The following LMX1A variants were observed in gnomAD, a reference collection of about 807,000 sequenced individuals.
LMX1A encodes the protein LIM homeobox transcription factor 1-alpha.
LMX1A carries 15 observed loss-of-function variants against 49.1 expected under a neutral mutation model. The observed-to-expected ratio is 0.31, with a 90% CI of 0.20 to 0.47. The LOEUF is 0.47. Among genes scored for constraint, LMX1A ranks in the 20% least tolerant of loss-of-function variants. The pLI is 1.00. For synonymous variants in LMX1A, 167 were observed against 185.7 expected, an observed-to-expected ratio of 0.90 and a Z score of 0.82; for missense variants, 372 against 475.8, an observed-to-expected ratio of 0.78 and a Z score of 2.03.
intron 3 of LMX1A, among the ~76,000 whole-genome samples, chr1:165,313,675 G>A (rs1557881345): frequency 6.6e-6 from 1 of 151,990 alleles, no homozygotes; most frequent in African/African-American, 2.4e-5. Context: ...GGAGCTGGGG[G>A]AATAAATTCC....
At chr1:165,294,712 C>T (rs1407944019) in intron 3 of LMX1A, among the ~76,000 whole-genome samples, 1 of 152,208 alleles carries the variant, frequency 6.6e-6, no homozygotes, top group Non-Finnish European at 1.5e-5. Context: ...GCCTGTAATC[C>T]CAGCGCTTCG....
At chr1:165,264,840 GA>G (rs1653563963) in intron 3 of LMX1A, among the ~76,000 whole-genome samples, 1 of 151,974 alleles carries the variant, frequency 6.6e-6, no homozygotes, top group South Asian at 2.1e-4. Context: ...CCAGGAGGTC[GA>G]GGCTGCAGTG....
At chr1:165,311,458 C>T (rs1557880739) in intron 3 of LMX1A, among the ~76,000 whole-genome samples, 1 of 152,150 alleles carries the variant, frequency 6.6e-6, no homozygotes, top group Non-Finnish European at 1.5e-5. Flanking sequence ...AGTGGCCTGC[C>T]CCTCAGAACC....
intron 3 of LMX1A, among the ~76,000 whole-genome samples, chr1:165,301,104 C>T (rs1234165460): frequency 6.6e-6 from 1 of 152,196 alleles, no homozygotes; most frequent in Admixed American, 6.5e-5. Flanking sequence ...ACTCTCAGGA[C>T]CGGCTTAACA....
At chr1:165,269,566 A>G (rs1297176508) in intron 3 of LMX1A, among the ~76,000 whole-genome samples, 1 of 152,208 alleles carries the variant, frequency 6.6e-6, no homozygotes. Context: ...AGGAATATAA[A>G]TCATTCTATT....
chr1:165,309,545 C>T (rs1655015591), intron 3 of LMX1A, among the ~76,000 whole-genome samples: 2 of 152,186 alleles, frequency 1.3e-5, no homozygotes, highest in Non-Finnish European at 2.9e-5. Context: ...TGAGGAAGTC[C>T]CTCCCACCAT....
At chr1:165,337,769 T>A (rs1436764820) in intron 3 of LMX1A, among the ~76,000 whole-genome samples, 1 of 152,060 alleles carries the variant, frequency 6.6e-6, no homozygotes, top group Non-Finnish European at 1.5e-5. Context: ...CAAGAGGAGT[T>A]GACTCAGTTT....
At chr1:165,297,813 G>A (rs1654659061) in intron 3 of LMX1A, among the ~76,000 whole-genome samples, 1 of 152,168 alleles carries the variant, frequency 6.6e-6, no homozygotes, top group Non-Finnish European at 1.5e-5. Flanking sequence ...CAGCGTAACT[G>A]AGCCCCATCA....
At chr1:165,285,401 T>G in intron 3 of LMX1A, among the ~76,000 whole-genome samples, 1 of 152,214 alleles carries the variant, frequency 6.6e-6, no homozygotes, top group East Asian at 1.9e-4. Context: ...TATTGTTCCT[T>G]CCCATGATAC....
At chr1:165,241,599 AC>A (rs1652653997) in intron 4 of LMX1A, among the ~76,000 whole-genome samples, 1 of 151,628 alleles carries the variant, frequency 6.6e-6, no homozygotes, top group Non-Finnish European at 1.5e-5. Flanking sequence ...GCACTACAAT[AC>A]GGAGGATGAG....
intron 3 of LMX1A, among the ~76,000 whole-genome samples, chr1:165,294,993 C>T (rs559955985): frequency 1.6e-4 from 24 of 152,180 alleles, no homozygotes; most frequent in African/African-American, 5.1e-4. Flanking sequence ...ACGCACATAA[C>T]ATTTGCATGC....
At chr1:165,212,654 A>T (rs1651459056) in intron 5 of LMX1A, among the ~76,000 whole-genome samples, 1 of 152,192 alleles carries the variant, frequency 6.6e-6, no homozygotes, top group African/African-American at 2.4e-5. Flanking sequence ...ATCATGTAAA[A>T]GATAGTACTC....
At chr1:165,243,835 T>C (rs1652749206) in intron 4 of LMX1A, among the ~76,000 whole-genome samples, 1 of 152,234 alleles carries the variant, frequency 6.6e-6, no homozygotes, top group Non-Finnish European at 1.5e-5. Flanking sequence ...TCATCTAGTT[T>C]CTTGACAAAA....
intron 3 of LMX1A, among the ~76,000 whole-genome samples, chr1:165,346,868 A>G (rs962645449): frequency 1.3e-5 from 2 of 152,220 alleles, no homozygotes; most frequent in African/African-American, 4.8e-5. Flanking sequence ...CACCAGGGCC[A>G]TAGCAATTTT....
intron 3 of LMX1A, among the ~76,000 whole-genome samples, chr1:165,317,035 A>G (rs1655250331): frequency 6.6e-6 from 1 of 152,220 alleles, no homozygotes; most frequent in African/African-American, 2.4e-5. Context: ...TGGCTTGAGA[A>G]GAAAGTAAAC....
chr1:165,275,671 A>G (rs990902752), intron 3 of LMX1A, among the ~76,000 whole-genome samples: 2 of 152,196 alleles, frequency 1.3e-5, no homozygotes, highest in African/African-American at 2.4e-5. Context: ...CCAGGGAAGA[A>G]GAGCTGCTGA....
intron 3 of LMX1A, among the ~76,000 whole-genome samples, chr1:165,334,977 G>C (rs1289697406): frequency 6.6e-6 from 1 of 152,158 alleles, no homozygotes; most frequent in African/African-American, 2.4e-5. Context: ...AATTCTTCCC[G>C]CAAGTCCTGA....
intron 5 of LMX1A, chr1:165,211,039 C>T: frequency 2.9e-6 from 1 of 348,876 alleles, no homozygotes; most frequent in South Asian, 7.3e-5. Flanking sequence ...TTCTCTTGCT[C>T]TGGAAATTAG....
chr1:165,209,660 C>T (rs1400313698), intron 6 of LMX1A, among the ~76,000 whole-genome samples: 2 of 152,220 alleles, frequency 1.3e-5, no homozygotes, highest in Non-Finnish European at 2.9e-5. Context: ...ATGGAAGCTT[C>T]ACACCCTTCC....
Sources: allele counts gnomAD v4.1 joint callset (sites outside exome capture counted in the v4.1 genomes callset), GRCh38; gene constraint gnomAD v4.1.1; transcripts MANE v1.5; gene names NCBI Gene and HGNC (gene_info 2026-07-23, HGNC 2026-07-21).